The following PRRG4 variants were observed in gnomAD, a reference collection of about 807,000 sequenced individuals.
PRRG4 encodes the protein transmembrane gamma-carboxyglutamic acid protein 4.
Under a neutral mutation model 20.0 loss-of-function variants are expected in PRRG4, and 12 were observed. The observed-to-expected ratio is 0.60, with a 90% CI of 0.38 to 0.97. PRRG4 has a LOEUF of 0.97. Ranked by LOEUF, PRRG4 falls within the 50% of genes least tolerant of loss-of-function variation. The pLI is 0.00. For synonymous variants in PRRG4, 94 were observed against 96.4 expected, an observed-to-expected ratio of 0.98 and a Z score of 0.15; for missense variants, 199 against 265.1, an observed-to-expected ratio of 0.75 and a Z score of 1.73.
rs2133455443 is a variant in PRRG4, at chr11:32,856,477, C to T, written c.*2950C>T. 1 of 152,298 alleles carries T rather than the reference C, an allele frequency of 6.6e-6. No homozygotes were observed. Among genetic ancestry groups the T allele is most frequent in the Non-Finnish European group, 1.5e-5 (1 of 68,028 alleles). The allele number at this position is 152,298 out of a possible 1,614,324, so 9.4% of individuals were successfully genotyped here. ...AAGGGAAAGTATCTCAACATTGTAT[C>T]AGTCACATATATTTCTGTTGCTTTC... On this transcript the variant is annotated 3_prime_UTR_variant, in exon 6 of 6. Coordinates refer to ENST00000257836, the MANE Select transcript of PRRG4 (RefSeq NM_024081.6).
chr11:32,832,117 G>T (rs1850977796), intron 2 of PRRG4, among the ~76,000 whole-genome samples: 1 of 152,206 alleles, frequency 6.6e-6, no homozygotes, highest in Admixed American at 6.5e-5. Context: ...GTGGAAATGT[G>T]AATGAGGGAT....
At chr11:32,850,906 C>T (rs746771189) in intron 5 of PRRG4, among the ~76,000 whole-genome samples, 2 of 152,036 alleles carry the variant, frequency 1.3e-5, no homozygotes, top group Non-Finnish European at 2.9e-5. Flanking sequence ...CCAGTCTCTA[C>T]TAAAAAAAAT....
chr11:32,857,152 CTT>C lies in PRRG4; in HGVS notation c.*3640_*3641del, dbSNP rs372321215. ...GGACTGCTGTGTCAAAGTTTTGCAT[CTT>C]TTTTTTTTTTTTTTCCAGAAGGAGT... is the stretch of plus-strand genomic sequence containing the variant. On this transcript the variant is annotated 3_prime_UTR_variant, in exon 6 of 6. Transcript: ENST00000257836. 3.0e-4 allele frequency: 39 copies of C among 132,150 alleles called. No homozygotes were observed. The highest frequency in any genetic ancestry group is 3.9e-4 in the Admixed American group (5 of 12,858). The allele number at this position is 132,150 out of a possible 1,614,324, so 8.2% of individuals were successfully genotyped here. A position where few individuals can be genotyped will look rare whatever the true frequency, so the allele number is the denominator to read the frequency against.
Position 32,854,504 on chromosome 11 carries a change from G to C in PRRG4, c.*977G>C, listed in dbSNP as rs1211216353. On this transcript the variant is annotated 3_prime_UTR_variant, in exon 6 of 6. Transcript: ENST00000257836. ...ACTCGGGAGGTGGAGGTTGTAGTGAGGCGAGATTGTGCCATTGCACTCCAA... is the reference window on the plus strand; with the variant it reads ...ACTCGGGAGGTGGAGGTTGTAGTGACGCGAGATTGTGCCATTGCACTCCAA... 6.7e-6 allele frequency: 1 copy of C among 149,588 alleles called. No homozygotes were observed. The highest frequency in any genetic ancestry group is 1.5e-5 in the Non-Finnish European group (1 of 67,860). The allele number at this position is 149,588 out of a possible 1,614,324, so 9.3% of individuals were successfully genotyped here.
chr11:32,841,135 C>G (rs1310302052), intron 5 of PRRG4, among the ~76,000 whole-genome samples: 1 of 150,452 alleles, frequency 6.6e-6, no homozygotes, highest in African/African-American at 2.4e-5. Flanking sequence ...TATCACTATT[C>G]ACACTTTCAA....
intron 5 of PRRG4, among the ~76,000 whole-genome samples, chr11:32,849,992 C>G (rs938714019): frequency 1.3e-5 from 2 of 152,238 alleles, no homozygotes; most frequent in Non-Finnish European, 2.9e-5. Flanking sequence ...CAAGGTCTTT[C>G]TAGGACTTTT....
intron 2 of PRRG4, among the ~76,000 whole-genome samples, chr11:32,836,129 T>C (rs550750531): frequency 6.6e-6 from 1 of 152,042 alleles, no homozygotes; most frequent in East Asian, 1.9e-4. Context: ...TAATAATTAA[T>C]AACTTAAAGA....
intron 5 of PRRG4, 30 bp from the exon 6 acceptor site, chr11:32,853,266 C>T (rs1365188750): frequency 1.3e-6 from 2 of 1,543,654 alleles, no homozygotes; most frequent in Non-Finnish European, 8.9e-7. Flanking sequence ...TGCTACCTTT[C>T]CTAGACCTAA....
chr11:32,834,609 A>G (rs946887300), intron 2 of PRRG4, among the ~76,000 whole-genome samples: 1 of 152,230 alleles, frequency 6.6e-6, no homozygotes, highest in Non-Finnish European at 1.5e-5. Flanking sequence ...GCCACATTTT[A>G]AAACTAAAAA....
Position 32,830,487 on chromosome 11 carries a change from AT to A in PRRG4, c.-22-12del, listed in dbSNP as rs745411497. On this transcript the variant is annotated intron_variant, in intron 1 of 5. Coordinates refer to ENST00000257836, the MANE Select transcript of PRRG4 (RefSeq NM_024081.6). ...GAGCTAGGGGCCTTTTTTTTTTAATATTTTTTTTTGTTTGTTTTAGTTTGTT... is the reference window on the plus strand; with the variant it reads ...GAGCTAGGGGCCTTTTTTTTTTAATATTTTTTTTGTTTGTTTTAGTTTGTT... 690 of 1,401,650 alleles carry A rather than the reference AT, an allele frequency of 4.9e-4. No individual in the cohort carries two copies. The highest frequency in any genetic ancestry group is 8.1e-4 in the South Asian group (51 of 62,596). The allele number at this position is 1,401,650 out of a possible 1,614,324, so 86.8% of individuals were successfully genotyped here. A position where few individuals can be genotyped will look rare whatever the true frequency, so the allele number is the denominator to read the frequency against.
Position 32,853,889 on chromosome 11 carries a change from TGAAGGA to T in PRRG4, c.*364_*369del, listed in dbSNP as rs1178530435. ...AGAAAAGAGAAGAAGGAGAAGGAGATGAAGGAGGAGGAGGAGGAGAAGGAGAAGAAG... is the reference window on the plus strand; with the variant it reads ...AGAAAAGAGAAGAAGGAGAAGGAGATGGAGGAGGAGGAGAAGGAGAAGAAG... On this transcript the variant is annotated 3_prime_UTR_variant, in exon 6 of 6. Coordinates refer to ENST00000257836, the MANE Select transcript of PRRG4 (RefSeq NM_024081.6). 1 of 157,102 alleles carries T rather than the reference TGAAGGA, an allele frequency of 6.4e-6. No individual in the cohort carries two copies. The highest frequency in any genetic ancestry group is 1.4e-5 in the Non-Finnish European group (1 of 73,748). 9.7% of individuals were successfully genotyped at this position (157,102 alleles called of 1,614,324 possible). A position where few individuals can be genotyped will look rare whatever the true frequency, so the allele number is the denominator to read the frequency against.
At chr11:32,830,467 A>AG (rs891280543) in intron 1 of PRRG4, 41 bp from the exon 2 acceptor site, 1 of 1,285,066 alleles carries the variant, frequency 7.8e-7, no homozygotes, top group Non-Finnish European at 1.0e-6. Flanking sequence ...GTGCTGAGCT[A>AG]GGGGCCTTTT....
At chr11:32,845,353 C>T (rs1359723725) in intron 5 of PRRG4, among the ~76,000 whole-genome samples, 2 of 152,116 alleles carry the variant, frequency 1.3e-5, no homozygotes, top group African/African-American at 2.4e-5. Flanking sequence ...CGGCTGGGTG[C>T]GGTGGCTCAC....
Position 32,853,387 on chromosome 11 carries a change from G to A in PRRG4, c.541G>A (p.Val181Met). The change falls in exon 6 of 6, where the codon GTG becomes ATG. Residue 181 changes from valine to methionine, a missense_variant. Transcript: ENST00000257836. ...EAALSPLPPS[V>M]EDAGLPSYEQ... is the part of the protein sequence containing the mutation. ...TGCCTTGTCTCCATTGCCGCCTTCT[G>A]TGGAGGATGCAGGATTACCTTCTTA... 1 of 1,614,056 alleles carries A rather than the reference G, an allele frequency of 6.2e-7. No individual in the cohort carries two copies. Among genetic ancestry groups the A allele is most frequent in the Non-Finnish European group, 8.5e-7 (1 of 1,179,982 alleles).
chr11:32,851,262 T>C (rs1162013945), intron 5 of PRRG4, among the ~76,000 whole-genome samples: 3 of 152,086 alleles, frequency 2.0e-5, no homozygotes, highest in Non-Finnish European at 4.4e-5. Flanking sequence ...ATTTAATGAC[T>C]GATGTAATTA....
At chr11:32,829,794 C>T (rs1850944481), upstream of PRRG4, 9 of 985,410 alleles carry the variant, frequency 9.1e-6, no homozygotes, top group Non-Finnish European at 1.1e-5. Flanking sequence ...GGGGCAGAAG[C>T]TGGGGCGGCT....
Position 32,830,506 on chromosome 11 carries a change from A to C in PRRG4, c.-22-2A>C. 6.7e-7 allele frequency: 1 copy of C among 1,494,536 alleles called. No individual in the cohort carries two copies. Among genetic ancestry groups the C allele is most frequent in the Non-Finnish European group, 8.9e-7 (1 of 1,125,052 alleles). 92.6% of individuals were successfully genotyped at this position (1,494,536 alleles called of 1,614,324 possible). On this transcript the variant is annotated splice_acceptor_variant, in intron 1 of 5. Transcript: ENST00000257836. LOFTEE classifies it low-confidence loss of function (5UTR_SPLICE). ...TTTAATATTTTTTTTTGTTTGTTTT[A>C]GTTTGTTTGACAGTTGCCAGACTAT...
At chr11:32,830,438 A>T in intron 1 of PRRG4, 70 bp from the exon 2 acceptor site, 1 of 1,189,300 alleles carries the variant, frequency 8.4e-7, no homozygotes, top group Non-Finnish European at 1.1e-6. Flanking sequence ...TTGGTGATTC[A>T]GTTCGACAGA....
intron 2 of PRRG4, among the ~76,000 whole-genome samples, chr11:32,832,854 T>C (rs906450560): frequency 1.3e-5 from 2 of 151,874 alleles, no homozygotes; most frequent in African/African-American, 2.4e-5. Flanking sequence ...CATGAGGAGA[T>C]AGAAGTGAGG....
Sources: allele counts gnomAD v4.1 joint callset (sites outside exome capture counted in the v4.1 genomes callset), GRCh38; gene constraint gnomAD v4.1.1; transcripts MANE v1.5; gene names NCBI Gene and HGNC (gene_info 2026-07-23, HGNC 2026-07-21).